OCRL: variants seen among roughly 807,000 people sequenced by gnomAD.
OCRL encodes inositol polyphosphate 5-phosphatase OCRL.
In OCRL, 8 loss-of-function variants were observed where a neutral mutation model predicts 78.9. That is an observed-to-expected ratio of 0.10 (90% CI 0.06 to 0.18). The LOEUF (loss-of-function observed/expected upper bound fraction) is 0.18. Among genes scored for constraint, OCRL ranks in the 10% least tolerant of loss-of-function variants. OCRL has a pLI of 1.00. For synonymous variants in OCRL, 240 were observed against 235.4 expected (o/e 1.02, Z -0.18); for missense variants, 454 against 696.7 (o/e 0.65, Z 3.92).
At chrX:129,584,659 C>G (rs886906313) in intron 19 of OCRL, among the ~76,000 whole-genome samples, 2 of 112,176 alleles carry the variant, frequency 1.8e-5, no homozygotes, top group Non-Finnish European at 3.8e-5. Context: ...TCTGAATGCT[C>G]ATGAATTGGA....
At chrX:129,567,392 A>G in intron 14 of OCRL, 29 bp downstream of exon 14, 1 of 1,012,692 alleles carries the variant, frequency 9.9e-7, no homozygotes, top group African/African-American at 1.9e-5. Flanking sequence ...TCTCACAGAG[A>G]AGGTTAAGGC....
chrX:129,542,599 T>C (rs1935824260), intron 2 of OCRL, among the ~76,000 whole-genome samples: 1 of 111,004 alleles, frequency 9.0e-6, no homozygotes, highest in Admixed American at 9.6e-5. Context: ...TGAGGGTTAC[T>C]ATAAGATAGT....
intron 18 of OCRL, among the ~76,000 whole-genome samples, chrX:129,582,589 C>G (rs749175434): frequency 6.2e-5 from 7 of 112,206 alleles, no homozygotes; most frequent in African/African-American, 9.7e-5. Context: ...CTAAATTTTA[C>G]AAGAGGTTCT....
At position 129,576,004 on chromosome X, in the gene OCRL, C is replaced by T. The variant is rs777797967; in HGVS notation, c.1821C>T (p.Asp607=). The change falls in exon 17 of 24, where the codon GAC becomes GAT. Residue 607 remains aspartate (D), a synonymous_variant. Transcript: ENST00000371113. The stretch of plus-strand genomic sequence containing the variant: ...TTTCTTTCATCCCTAAACTTAATGA[C>T]AGCCAGTACTGCAAGCCATGGCTTC... ...CHFSFIPKLN[D]SQYCKPWLRA... The T allele has an allele frequency of 8.3e-7, 1 of 1,211,464 alleles. No individual in the cohort carries two copies. Among genetic ancestry groups the T allele is most frequent in the South Asian group, 1.8e-5 (1 of 56,983 alleles).
chrX:129,558,912 A>G lies in OCRL; in HGVS notation c.633A>G (p.Val211=). The G allele has an allele frequency of 8.3e-7, 1 of 1,211,779 alleles. No individual in the cohort carries two copies. The highest frequency in any genetic ancestry group is 1.7e-5 in the African/African-American group (1 of 57,913). ...KVTNTMRKLF[V]PNTQSGQREG... is the part of the protein sequence containing the mutation. ...CCAACACCATGCGGAAGCTCTTTGT[A>G]CCAAATACCCAATCTGGGCAGCGGG... Residue 211 remains valine (V), a synonymous_variant, in exon 8 of 24, where the codon GTA becomes GTG. Coordinates refer to ENST00000371113, the MANE Select transcript of OCRL (RefSeq NM_000276.4).
At position 129,582,095 on chromosome X, in the gene OCRL, C is replaced by A. The variant is rs141533279; in HGVS notation, c.2116-2249C>A. ...ACTATTTTTCTTGGCATTCTCCATGCCCCCCACAAACAGATGACTAACTTC... is the reference window on the plus strand; with the variant it reads ...ACTATTTTTCTTGGCATTCTCCATGACCCCCACAAACAGATGACTAACTTC... On this transcript the variant is annotated intron_variant, in intron 18 of 23. Transcript: ENST00000371113. 1.0e-4 allele frequency among the ~76,000 whole-genome samples: 11 copies of A among 109,415 alleles called. No individual in the cohort carries two copies. The East Asian group carries it at 1.7e-3, about 17-fold the overall frequency.
chrX:129,569,671 G>A (rs1340645390), intron 15 of OCRL, among the ~76,000 whole-genome samples: 1 of 109,998 alleles, frequency 9.1e-6, no homozygotes. Context: ...TATGCATAAT[G>A]AAGAGTTAAA....
intron 8 of OCRL, among the ~76,000 whole-genome samples, chrX:129,559,817 G>T (rs779172511): frequency 9.0e-6 from 1 of 111,150 alleles, no homozygotes; most frequent in East Asian, 2.8e-4. Context: ...CTGGACTTGT[G>T]TGTGTATGCT....
intron 23 of OCRL, 41 bp downstream of exon 23, chrX:129,589,997 ACT>A: frequency 8.9e-7 from 1 of 1,129,882 alleles, no homozygotes; most frequent in East Asian, 3.0e-5. Context: ...TGTTGAGAAT[ACT>A]CTTAGTGCAT....
intron 18 of OCRL, among the ~76,000 whole-genome samples, chrX:129,584,065 A>C (rs1342395901): frequency 1.8e-5 from 2 of 112,207 alleles, no homozygotes; most frequent in Non-Finnish European, 3.8e-5. Flanking sequence ...TGGCTGGGTC[A>C]GTTGGCAGAT....
chrX:129,581,725 C>CTG (rs35415909), intron 18 of OCRL, among the ~76,000 whole-genome samples: 14,873 of 92,117 alleles, frequency 0.16, 1,280 homozygotes, highest in African/African-American at 0.29. Flanking sequence ...ATACACACAC[C>CTG]TGTGTGTGTG....
In OCRL at chrX:129,590,730, C is replaced by G. The variant is rs1341846014; in HGVS notation, c.*460C>G. 1 of 160,348 alleles carries G rather than the reference C, an allele frequency of 6.2e-6. No homozygotes were observed. Among genetic ancestry groups the G allele is most frequent in the Non-Finnish European group, 1.2e-5 (1 of 83,917 alleles). 13.2% of individuals were successfully genotyped at this position (160,348 alleles called of 1,213,427 possible). A position where few individuals can be genotyped will look rare whatever the true frequency, so the allele number is the denominator to read the frequency against. ...CTGGATCACTCCTTTGCACTCCACT[C>G]CCCTCGTTCTGTCACTTTGAACGAA... On this transcript the variant is annotated 3_prime_UTR_variant, in exon 24 of 24. Transcript: ENST00000371113.
intron 19 of OCRL, among the ~76,000 whole-genome samples, chrX:129,585,225 AT>A (rs1324232607): frequency 8.9e-6 from 1 of 112,534 alleles, no homozygotes; most frequent in Non-Finnish European, 1.9e-5. Flanking sequence ...TCATACAGGA[AT>A]TTGAAAATGA....
chrX:129,578,447 GT>G (rs3216400), intron 18 of OCRL, among the ~76,000 whole-genome samples: 135 of 92,798 alleles, frequency 1.5e-3, no homozygotes, highest in East Asian at 3.0e-3. Flanking sequence ...TTTCCTTCTT[GT>G]TTTTTTTTTT....
chrX:129,554,772 T>G (rs1020173126), intron 4 of OCRL, among the ~76,000 whole-genome samples: 1 of 108,958 alleles, frequency 9.2e-6, no homozygotes, highest in Non-Finnish European at 1.9e-5. Context: ...GCCAACATGG[T>G]GAAACCGCGT....
At position 129,575,439 on chromosome X, in the gene OCRL, A is replaced by T. The variant is rs150409587; in HGVS notation, c.1713+189A>T. Among the ~76,000 whole-genome samples, 3,031 of 111,849 alleles carry T rather than the reference A, an allele frequency of 0.027. 101 individuals carry two copies. Among genetic ancestry groups the T allele is most frequent in the African/African-American group, 0.092 (2,838 of 30,708 alleles). ...TCAGGCAAGTATCTTACCCGCTCAG[A>T]GCCGCAGTTTCCTTTCCTGGATTAA... is the stretch of plus-strand genomic sequence containing the variant. On this transcript the variant is annotated intron_variant, in intron 16 of 23. Coordinates refer to ENST00000371113, the MANE Select transcript of OCRL (RefSeq NM_000276.4).
chrX:129,540,595 G>A (rs1280136609), intron 1 of OCRL, 117 bp downstream of exon 1: 4 of 869,809 alleles, frequency 4.6e-6, no homozygotes, highest in Non-Finnish European at 6.5e-6. Flanking sequence ...GAGCAGAGAG[G>A]GGGAGGGGGC....
In OCRL at chrX:129,557,395, C is replaced by G. The variant is rs1936070150; in HGVS notation, c.309C>G (p.His103Gln). 1 of 1,210,810 alleles carries G rather than the reference C, an allele frequency of 8.3e-7. No individual in the cohort carries two copies. Among genetic ancestry groups the G allele is most frequent in the East Asian group, 3.0e-5 (1 of 33,864 alleles). The change falls in exon 5 of 24, where the codon CAC becomes CAG. Residue 103 changes from histidine (H) to glutamine (Q), a missense_variant. This residue lies in a region of OCRL where 177 missense variants were observed against 179.6 expected (regional missense o/e 0.99). Transcript: ENST00000371113. The stretch of plus-strand genomic sequence containing the variant: ...GCTTTGAAATCCCTGATGAGGAACA[C>G]TGTTTGAAGTTCCTCTCAGCTGTCC... The part of the protein sequence containing the change: ...ERRFEIPDEE[H>Q]CLKFLSAVLA...
chrX:129,585,007 A>G (rs1314629850), intron 19 of OCRL, among the ~76,000 whole-genome samples: 3 of 112,185 alleles, frequency 2.7e-5, no homozygotes, highest in Non-Finnish European at 5.6e-5. Context: ...GGGATGGTAT[A>G]CTGTTTTCAT....
Sources: allele counts gnomAD v4.1 joint callset (sites outside exome capture counted in the v4.1 genomes callset), GRCh38; gene constraint gnomAD v4.1.1; regional missense constraint gnomAD v4.1.1; transcripts MANE v1.5; gene names NCBI Gene and HGNC (gene_info 2026-07-23, HGNC 2026-07-21).